CDH23: variants seen among roughly 807,000 people sequenced by gnomAD.
The protein encoded by CDH23 is cadherin related 23, also known as cadherin-23.
Under a neutral mutation model 317.1 loss-of-function variants are expected in CDH23, and 189 were observed. The ratio of observed to expected loss-of-function variants is 0.60; its 90% CI spans 0.53 to 0.67. CDH23 has a LOEUF of 0.67. Among genes scored for constraint, CDH23 ranks in the 30% least tolerant of loss-of-function variants. The pLI, the probability that CDH23 is intolerant of heterozygous loss-of-function variation, is 0.00. For synonymous variants in CDH23, 1,839 were observed against 1,876.8 expected, an observed-to-expected ratio of 0.98 and a Z score of 0.52; for missense variants, 4,401 against 4,592.4, an observed-to-expected ratio of 0.96 and a Z score of 1.20.
intron 34 of CDH23, among the ~76,000 whole-genome samples, chr10:71,734,977 G>A (rs1839517033): frequency 6.6e-6 from 1 of 152,270 alleles, no homozygotes; most frequent in Non-Finnish European, 1.5e-5. Flanking sequence ...GTGTGACACA[G>A]GCAAGCTGCT....
intron 6 of CDH23, among the ~76,000 whole-genome samples, chr10:71,536,057 G>A (rs929534983): frequency 6.6e-6 from 1 of 152,262 alleles, no homozygotes; most frequent in Non-Finnish European, 1.5e-5. Context: ...CAAGCAGAAG[G>A]TGCACGCGCC....
At chr10:71,615,718 C>T (rs1589264913) in intron 10 of CDH23, 102 bp downstream of exon 10, 1 of 799,916 alleles carries the variant, frequency 1.3e-6, no homozygotes, top group East Asian at 2.7e-5. Flanking sequence ...GGTGGTGGCG[C>T]CGGAAGCACT....
chr10:71,547,652 G>T (rs1435028311), intron 6 of CDH23, among the ~76,000 whole-genome samples: 1 of 152,240 alleles, frequency 6.6e-6, no homozygotes, highest in Admixed American at 6.5e-5. Context: ...CAGGGGTGGT[G>T]GTGGGTGGGA....
intron 22 of CDH23, among the ~76,000 whole-genome samples, chr10:71,695,969 C>A (rs1865374263): frequency 6.6e-6 from 1 of 152,222 alleles, no homozygotes; most frequent in Non-Finnish European, 1.5e-5. Context: ...CACGGGCTGG[C>A]CCCCACGGCT....
chr10:71,432,449 G>A (rs1177647011), intron 1 of CDH23, among the ~76,000 whole-genome samples: 15 of 151,422 alleles, frequency 9.9e-5, no homozygotes, highest in African/African-American at 3.4e-4. Flanking sequence ...GAGAGCGTGT[G>A]TGTGAGAGCA....
At chr10:71,755,487 C>T in intron 38 of CDH23, 1 of 1,595,228 alleles carries the variant, frequency 6.3e-7, no homozygotes, top group Non-Finnish European at 8.6e-7. Flanking sequence ...AGAGAGGTAG[C>T]CAAGGTGAAG....
At chr10:71,435,951 T>G (rs981954347) in intron 1 of CDH23, among the ~76,000 whole-genome samples, 5 of 152,148 alleles carry the variant, frequency 3.3e-5, no homozygotes, top group Non-Finnish European at 7.4e-5. Context: ...CAGCCTCTGC[T>G]CTCTCTGGGC....
At chr10:71,585,503 T>C (rs1858991009) in intron 9 of CDH23, among the ~76,000 whole-genome samples, 1 of 152,220 alleles carries the variant, frequency 6.6e-6, no homozygotes, top group African/African-American at 2.4e-5. Flanking sequence ...TTAGCCCATT[T>C]GTATCCTGTA....
At chr10:71,614,996 A>G (rs1005475384) in intron 9 of CDH23, among the ~76,000 whole-genome samples, 5 of 152,166 alleles carry the variant, frequency 3.3e-5, no homozygotes, top group Admixed American at 6.5e-5. Flanking sequence ...CATTTTTTGT[A>G]AAAGGAAACT....
At chr10:71,811,182 C>A in intron 62 of CDH23, 133 bp from the exon 63 acceptor site, 1 of 1,334,692 alleles carries the variant, frequency 7.5e-7, no homozygotes, top group Non-Finnish European at 1.1e-6. Context: ...ACAAAGCTGT[C>A]CCAGCCGGTG....
intron 38 of CDH23, among the ~76,000 whole-genome samples, chr10:71,776,978 G>A (rs773900685): frequency 2.0e-5 from 3 of 152,208 alleles, no homozygotes; most frequent in African/African-American, 7.2e-5. Context: ...GCTGATTGCC[G>A]AGTTCTGATT....
rs57038733 is a variant in CDH23 at position 71,624,734 on chromosome 10, CTATTAT to C, written c.1134+7372_1134+7377del. Reference sequence around the variant, plus strand: ...AGAAAAAGCATACTTTAGACATTAGCTATTATTATTATTATTATTATTATTATTATT... The same window carrying C: ...AGAAAAAGCATACTTTAGACATTAGCTATTATTATTATTATTATTATTATT... On this transcript the variant is annotated intron_variant, in intron 11 of 69. Transcript: ENST00000224721. Among the ~76,000 whole-genome samples, 241 of 146,138 alleles carry C rather than the reference CTATTAT, an allele frequency of 1.6e-3. 1 individual carries two copies. Among genetic ancestry groups the C allele is most frequent in the Non-Finnish European group, 2.1e-3 (140 of 66,744 alleles).
chr10:71,724,542 T>A (rs982049527), intron 29 of CDH23, among the ~76,000 whole-genome samples: 14 of 152,212 alleles, frequency 9.2e-5, no homozygotes, highest in Admixed American at 9.2e-4. Context: ...GACCTTGTGA[T>A]CCACCCATCT....
rs1450026034 is a variant in CDH23 at position 71,813,330 on chromosome 10, C to G, written c.9720C>G (p.Cys3240Trp). 6.4e-7 allele frequency: 1 copy of G among 1,551,602 alleles called. No homozygotes were observed. The highest frequency in any genetic ancestry group is 8.7e-7 in the Non-Finnish European group (1 of 1,146,970). Residue 3240 changes from cysteine to tryptophan, a missense_variant, in exon 69 of 70, where the codon TGC becomes TGG. Transcript: ENST00000224721. ...AQRMVQKASS[C>W]HSSISELIQT... Reference sequence around the variant, plus strand: ...GGATGGTGCAAAAAGCCTCCTCCTGCCACTCCTCCATCTCTGAGGTAGCCG... The same window carrying G: ...GGATGGTGCAAAAAGCCTCCTCCTGGCACTCCTCCATCTCTGAGGTAGCCG...
At chr10:71,426,057 G>T (rs1055992547) in intron 1 of CDH23, among the ~76,000 whole-genome samples, 3 of 152,134 alleles carry the variant, frequency 2.0e-5, no homozygotes, top group African/African-American at 7.2e-5. Flanking sequence ...GGATGTCCTG[G>T]CTCCCCTCCC....
intron 38 of CDH23, among the ~76,000 whole-genome samples, chr10:71,757,387 C>A (rs548393787): frequency 6.6e-6 from 1 of 152,194 alleles, no homozygotes; most frequent in Non-Finnish European, 1.5e-5. Context: ...GGCTTCCTTA[C>A]GATCTGGGCT....
rs1301385893 is a variant in CDH23, at chr10:71,712,673, C to G, written c.3229C>G (p.Pro1077Ala). The change falls in exon 28 of 70, where the codon CCT (proline) becomes GCT (alanine). Residue 1077 changes from proline to alanine, a missense_variant. By Grantham distance (27) the Pro-to-Ala change is conservative (BLOSUM62 -1). This residue lies in a region of CDH23 where 3,068 missense variants were observed against 3,203.3 expected (regional missense o/e 0.96). Transcript: ENST00000224721. ...MLILEAIDNG[P>A]VGKRHTGTAT... ...TCCTTCAACTCCCACAGACAACGGC[C>G]CTGTAGGGAAGCGACACACGGGCAC... 1 of 1,613,484 alleles carries G rather than the reference C, an allele frequency of 6.2e-7. No individual in the cohort carries two copies. The highest frequency in any genetic ancestry group is 1.3e-5 in the African/African-American group (1 of 74,948).
rs556554089 is a variant in CDH23 at position 71,809,636 on chromosome 10, G to A, written c.8723-184G>A. On this transcript the variant is annotated intron_variant, in intron 60 of 69. Transcript: ENST00000224721. Reference sequence around the variant, plus strand: ...CTGTGATGATAACCGGCTGAGACCCGAGCCATTTCCACTTCAGATGGGCAT... The same window carrying A: ...CTGTGATGATAACCGGCTGAGACCCAAGCCATTTCCACTTCAGATGGGCAT... Among the ~76,000 whole-genome samples the A allele has an allele frequency of 3.9e-5, 6 of 152,250 alleles. No individual in the cohort carries two copies. The South Asian group carries it at 1.2e-3, about 32-fold the overall frequency.
At chr10:71,479,438 G>A (rs1319329381) in intron 3 of CDH23, among the ~76,000 whole-genome samples, 3 of 152,136 alleles carry the variant, frequency 2.0e-5, no homozygotes, top group African/African-American at 7.2e-5. Context: ...AGAGGGGAAG[G>A]GACTGCGGCC....
Sources: gnomAD v4.1 joint callset for allele counts (sites outside exome capture counted in the v4.1 genomes callset) on GRCh38, gnomAD v4.1.1 for gene constraint, gnomAD v4.1.1 regional missense constraint, MANE v1.5 for transcripts, NCBI Gene and HGNC (gene_info 2026-07-23, HGNC 2026-07-21) for gene names.